The following CNTNAP4 variants were observed in gnomAD, a reference collection of about 807,000 sequenced individuals.
CNTNAP4 encodes the protein contactin-associated protein-like 4.
In CNTNAP4, 98 loss-of-function variants were observed where a neutral mutation model predicts 148.4. The observed-to-expected ratio is 0.66, with a 90% CI of 0.56 to 0.78. CNTNAP4 has a LOEUF of 0.78. Ranked by LOEUF, CNTNAP4 falls within the 30% of genes least tolerant of loss-of-function variation. The pLI is 0.00. For synonymous variants in CNTNAP4, 730 were observed against 565.1 expected (o/e 1.29, Z -4.14); for missense variants, 1,935 against 1,565.6 (o/e 1.24, Z -3.98).
intron 7 of CNTNAP4, among the ~76,000 whole-genome samples, chr16:76,452,024 CTAA>C (rs1339744747): frequency 6.7e-6 from 1 of 150,194 alleles, no homozygotes; most frequent in East Asian, 1.9e-4. Context: ...TTATGTATCA[CTAA>C]GAAAAAAGAC....
chr16:76,471,537 C>G (rs2081375657), intron 10 of CNTNAP4, among the ~76,000 whole-genome samples: 2 of 152,122 alleles, frequency 1.3e-5, no homozygotes, highest in South Asian at 4.1e-4. Flanking sequence ...CAATCCACCC[C>G]TACTATCCAG....
intron 3 of CNTNAP4, among the ~76,000 whole-genome samples, chr16:76,409,370 A>G (rs79500103): frequency 0.013 from 1,956 of 152,068 alleles, 20 homozygotes; most frequent in Middle Eastern, 0.054. Context: ...ATAACATGCA[A>G]TATGTTTTAT....
chr16:76,549,755 T>C (rs2084887507), intron 21 of CNTNAP4, among the ~76,000 whole-genome samples: 2 of 152,290 alleles, frequency 1.3e-5, no homozygotes, highest in South Asian at 2.1e-4. Context: ...GTGAATGAAG[T>C]ATTTGACCCA....
intron 2 of CNTNAP4, among the ~76,000 whole-genome samples, chr16:76,324,963 C>T (rs143801656): frequency 1.2e-4 from 18 of 152,270 alleles, no homozygotes; most frequent in Middle Eastern, 3.4e-3. Context: ...ACATTCAGCC[C>T]ATAGTAGTTA....
intron 17 of CNTNAP4, 135 bp from the exon 18 acceptor site, chr16:76,535,410 G>T (rs2084171666): frequency 2.3e-6 from 2 of 858,266 alleles, no homozygotes. Context: ...ATTTGACCAT[G>T]AATTGTGTTT....
intron 2 of CNTNAP4, among the ~76,000 whole-genome samples, chr16:76,354,292 T>C (rs1439357963): frequency 1.3e-5 from 2 of 152,238 alleles, no homozygotes; most frequent in Non-Finnish European, 2.9e-5. Context: ...ACTGGAAGAA[T>C]GAAGCATCTT....
At chr16:76,554,809 C>G (rs543400055) in intron 23 of CNTNAP4, among the ~76,000 whole-genome samples, 1 of 151,926 alleles carries the variant, frequency 6.6e-6, no homozygotes, top group South Asian at 2.1e-4. Context: ...AGTTCTTCCT[C>G]TATTCAGTCA....
At chr16:76,535,438 C>T (rs753977986) in intron 17 of CNTNAP4, 107 bp from the exon 18 acceptor site, 15 of 1,113,188 alleles carry the variant, frequency 1.3e-5, no homozygotes, top group Admixed American at 2.7e-5. Context: ...TATATTTGCT[C>T]ATCCATTTTT....
chr16:76,296,552 T>A (rs924054496), intron 1 of CNTNAP4, among the ~76,000 whole-genome samples: 1 of 152,118 alleles, frequency 6.6e-6, no homozygotes, highest in Non-Finnish European at 1.5e-5. Context: ...AAGCAAACAT[T>A]TACCAAGTGC....
intron 2 of CNTNAP4, among the ~76,000 whole-genome samples, chr16:76,353,754 T>A (rs1325598275): frequency 6.6e-6 from 1 of 152,170 alleles, no homozygotes. Context: ...GCGTCTTCTC[T>A]TGTTAGTAGT....
At chr16:76,300,884 G>A (rs1271798834) in intron 1 of CNTNAP4, among the ~76,000 whole-genome samples, 1 of 151,992 alleles carries the variant, frequency 6.6e-6, no homozygotes, top group East Asian at 1.9e-4. Context: ...TGGATGTCAA[G>A]GAAGGGGTAT....
intron 3 of CNTNAP4, among the ~76,000 whole-genome samples, chr16:76,424,138 A>G (rs1007369796): frequency 7.2e-5 from 11 of 152,158 alleles, no homozygotes; most frequent in Non-Finnish European, 1.3e-4. Flanking sequence ...ATAGCTCATA[A>G]ATTGATCAAG....
At chr16:76,375,154 G>C (rs964321662) in intron 3 of CNTNAP4, among the ~76,000 whole-genome samples, 1 of 152,176 alleles carries the variant, frequency 6.6e-6, no homozygotes, top group African/African-American at 2.4e-5. Context: ...AGGTGCAGTG[G>C]CTCATGCCTG....
At chr16:76,419,124 C>T (rs985929010) in intron 3 of CNTNAP4, among the ~76,000 whole-genome samples, 2 of 151,972 alleles carry the variant, frequency 1.3e-5, no homozygotes, top group African/African-American at 4.8e-5. Context: ...CTGTGACCTT[C>T]ACAAGCATAT....
rs1300653955 is a variant in CNTNAP4 at position 76,509,773 on chromosome 16, A to G, written c.2365+11079A>G. ...CTTTTAAAGGCTAACCACTAGTTCT[A>G]TTCTCCAATGCTTTTTATTTTGATT... On this transcript the variant is annotated intron_variant, in intron 15 of 23. Transcript: ENST00000611870. Among the ~76,000 whole-genome samples the G allele has an allele frequency of 7.3e-5, 7 of 95,846 alleles. 3 individuals carry two copies. The highest frequency in any genetic ancestry group is 1.8e-4 in the Non-Finnish European group (6 of 33,910). The allele number at this position is 95,846 out of a possible 152,430, so 62.9% of individuals were successfully genotyped here.
rs146817091 is a variant in CNTNAP4, at chr16:76,278,871, C to G, written c.85+1124C>G. Among the ~76,000 whole-genome samples, 393 of 152,288 alleles carry G rather than the reference C, an allele frequency of 2.6e-3. 2 individuals carry two copies. The highest frequency in any genetic ancestry group is 9.0e-3 in the African/African-American group (376 of 41,554). ...CTCATGGGCACAAGTCAAATGTCCC[C>G]TCACAGTACCTGGCTCCCGTGATTT... On this transcript the variant is annotated intron_variant, in intron 1 of 23. Transcript: ENST00000611870.
At chr16:76,458,741 C>T (rs1438965814) in intron 8 of CNTNAP4, among the ~76,000 whole-genome samples, 1 of 152,156 alleles carries the variant, frequency 6.6e-6, no homozygotes, top group Non-Finnish European at 1.5e-5. Context: ...TGATCCAGTT[C>T]CTAACAGGCC....
Position 76,467,414 on chromosome 16 carries a change from A to G in CNTNAP4, c.1546A>G (p.Met516Val), listed in dbSNP as rs1329475329. The G allele has an allele frequency of 6.2e-7, 1 of 1,613,778 alleles. No homozygotes were observed. Among genetic ancestry groups the G allele is most frequent in the Admixed American group, 1.7e-5 (1 of 59,982 alleles). ...KSPLGGFQGCMRLISISGKVV... is the reference protein window; with the variant it reads ...KSPLGGFQGCVRLISISGKVV... ...TCCACTTGGTGGATTTCAGGGATGTATGAGGCTCATTTCTATCAGCGGCAA... is the reference window on the plus strand; with the variant it reads ...TCCACTTGGTGGATTTCAGGGATGTGTGAGGCTCATTTCTATCAGCGGCAA... The change falls in exon 10 of 24, where the codon ATG becomes GTG. Residue 516 changes from methionine (M) to valine (V), a missense_variant. By Grantham distance (21) the Met-to-Val change is conservative. Coordinates refer to ENST00000611870, the MANE Select transcript of CNTNAP4 (RefSeq NM_033401.5).
chr16:76,303,179 G>A (rs1341480501), intron 1 of CNTNAP4, among the ~76,000 whole-genome samples: 1 of 152,106 alleles, frequency 6.6e-6, no homozygotes, highest in African/African-American at 2.4e-5. Context: ...GCTCAGAGAA[G>A]CTTATTGTTT....
Sources: allele counts gnomAD v4.1 joint callset (sites outside exome capture counted in the v4.1 genomes callset), GRCh38; gene constraint gnomAD v4.1.1; transcripts MANE v1.5; gene names NCBI Gene and HGNC (gene_info 2026-07-23, HGNC 2026-07-21).